Variants in TANGO6 observed in about 807,000 individuals in gnomAD.
TANGO6 encodes the protein transport and Golgi organization protein 6 homolog.
A neutral mutation model predicts 114.2 loss-of-function variants in TANGO6; 90 were observed. The observed-to-expected ratio is 0.79, with a 90% CI of 0.66 to 0.94. TANGO6 has a LOEUF of 0.94. Among genes scored for constraint, TANGO6 ranks in the 40% least tolerant of loss-of-function variants. The pLI is 0.00. For synonymous variants in TANGO6, 477 were observed against 509.8 expected, an observed-to-expected ratio of 0.94 and a Z score of 0.87; for missense variants, 1,274 against 1,315.3, an observed-to-expected ratio of 0.97 and a Z score of 0.49.
chr16:68,890,498 T>A (rs752846223), intron 7 of TANGO6, among the ~76,000 whole-genome samples: 1 of 152,260 alleles, frequency 6.6e-6, no homozygotes, highest in African/African-American at 2.4e-5. Flanking sequence ...CCAAGTTTCC[T>A]GACTACTGAC....
At chr16:69,061,274 T>C (rs1032815053) in intron 17 of TANGO6, among the ~76,000 whole-genome samples, 1 of 151,992 alleles carries the variant, frequency 6.6e-6, no homozygotes, top group African/African-American at 2.4e-5. Flanking sequence ...TTTTCAAAAT[T>C]TGGCTTCTGG....
chr16:69,024,101 C>T (rs1471700327), intron 16 of TANGO6, among the ~76,000 whole-genome samples: 3 of 151,946 alleles, frequency 2.0e-5, no homozygotes, highest in Non-Finnish European at 4.4e-5. Flanking sequence ...AGAGTTTCAC[C>T]ATGTTGGCCA....
At chr16:68,914,916 T>C (rs1349318808) in intron 11 of TANGO6, among the ~76,000 whole-genome samples, 4 of 147,852 alleles carry the variant, frequency 2.7e-5, no homozygotes, top group Non-Finnish European at 6.0e-5. Flanking sequence ...ACATAGAAAG[T>C]GTCTATTTTA....
intron 5 of TANGO6, among the ~76,000 whole-genome samples, chr16:68,877,533 G>A (rs971091922): frequency 4.6e-5 from 7 of 151,156 alleles, no homozygotes; most frequent in Non-Finnish European, 8.8e-5. Flanking sequence ...CTATGCGTAT[G>A]CCTAAAATGA....
intron 7 of TANGO6, among the ~76,000 whole-genome samples, chr16:68,897,472 G>A (rs552250267): frequency 3.9e-5 from 6 of 152,036 alleles, no homozygotes; most frequent in East Asian, 1.9e-4. Context: ...TAATATATAC[G>A]TATAAATAGC....
intron 14 of TANGO6, among the ~76,000 whole-genome samples, chr16:68,942,903 T>A (rs1963369556): frequency 9.1e-6 from 1 of 109,782 alleles, no homozygotes; most frequent in African/African-American, 4.6e-5. Context: ...TAATTTTTAA[T>A]TTTTTTTTTT....
intron 12 of TANGO6, among the ~76,000 whole-genome samples, chr16:68,924,109 C>CT (rs1402253388): frequency 6.6e-6 from 1 of 152,232 alleles, no homozygotes; most frequent in Non-Finnish European, 1.5e-5. Context: ...AAAGCCCTTA[C>CT]TTGCAAACCA....
intron 14 of TANGO6, among the ~76,000 whole-genome samples, chr16:68,947,624 C>A: frequency 6.9e-6 from 1 of 143,934 alleles, no homozygotes. Context: ...CAGAGTCTCC[C>A]TCTGTTGCCC....
At chr16:69,019,757 C>T (rs1234902428) in intron 15 of TANGO6, among the ~76,000 whole-genome samples, 1 of 152,130 alleles carries the variant, frequency 6.6e-6, no homozygotes, top group Non-Finnish European at 1.5e-5. Context: ...AGGCTGGTCT[C>T]AAACTCCTGG....
At chr16:68,856,765 A>G (rs1053354773) in intron 1 of TANGO6, among the ~76,000 whole-genome samples, 1 of 152,184 alleles carries the variant, frequency 6.6e-6, no homozygotes, top group African/African-American at 2.4e-5. Context: ...GCATAATATC[A>G]TATATCCATC....
At chr16:68,911,002 C>T (rs1962915552) in intron 11 of TANGO6, among the ~76,000 whole-genome samples, 1 of 151,892 alleles carries the variant, frequency 6.6e-6, no homozygotes, top group Non-Finnish European at 1.5e-5. Context: ...TTTTGAAACA[C>T]ACACATATAG....
chr16:68,902,479 A>C lies in TANGO6; in HGVS notation c.1642A>C (p.Met548Leu). 1 of 1,612,878 alleles carries C rather than the reference A, an allele frequency of 6.2e-7. No individual in the cohort carries two copies. Among genetic ancestry groups the C allele is most frequent in the Non-Finnish European group, 8.5e-7 (1 of 1,179,402 alleles). ...TAGAGTTGCCACTCAAGGTGGCATT[A>C]TGATTACCATCAAAGAGGCCATTAG... Reference protein sequence around the residue: ...QFRVATQGGIMITIKEAISDE... With the variant: ...QFRVATQGGILITIKEAISDE... Residue 548 changes from methionine (M) to leucine (L), a missense_variant, in exon 9 of 18, where the codon ATG becomes CTG. Physicochemically the swap from Met to Leu is conservative, Grantham distance 15 (BLOSUM62 2). This residue lies in a region of TANGO6 where 908 missense variants were observed against 910.2 expected (regional missense o/e 1.00). Transcript: ENST00000261778.
chr16:68,943,363 ATTTT>A (rs1198050231), intron 14 of TANGO6, among the ~76,000 whole-genome samples: 2 of 131,592 alleles, frequency 1.5e-5, no homozygotes. Context: ...GAATCTGAGA[ATTTT>A]TTTTTTTTTT....
intron 17 of TANGO6, among the ~76,000 whole-genome samples, chr16:69,062,799 A>G (rs1960143239): frequency 6.6e-6 from 1 of 150,930 alleles, no homozygotes; most frequent in Non-Finnish European, 1.5e-5. Context: ...AAAAAAAAAA[A>G]AAAAAAAAAG....
chr16:69,049,500 C>A (rs368792955), intron 17 of TANGO6, among the ~76,000 whole-genome samples: 10 of 150,614 alleles, frequency 6.6e-5, no homozygotes, highest in Non-Finnish European at 1.3e-4. Flanking sequence ...GGCGCCATCT[C>A]GTCTCACTGC....
At chr16:68,853,587 G>A (rs1190759773) in intron 1 of TANGO6, among the ~76,000 whole-genome samples, 1 of 152,164 alleles carries the variant, frequency 6.6e-6, no homozygotes, top group Admixed American at 6.5e-5. Flanking sequence ...GAATAGTGCT[G>A]CTATGAACAT....
intron 14 of TANGO6, among the ~76,000 whole-genome samples, chr16:68,953,047 T>TTTTTTTTTA (rs1555525229): frequency 1.1e-5 from 1 of 87,154 alleles, no homozygotes; most frequent in Non-Finnish European, 2.2e-5. Flanking sequence ...TCAACAGGTA[T>TTTTTTTTTA]TTTTTATTAT....
intron 14 of TANGO6, among the ~76,000 whole-genome samples, chr16:68,950,093 T>C (rs1356085493): frequency 1.3e-5 from 2 of 152,212 alleles, no homozygotes; most frequent in Non-Finnish European, 2.9e-5. Context: ...AACAGACAAA[T>C]GTATAAATTC....
chr16:68,928,405 C>T lies in TANGO6; in HGVS notation c.2643+322C>T, dbSNP rs142773010. On this transcript the variant is annotated intron_variant, in intron 13 of 17. Transcript: ENST00000261778. ...CTGCAAGCTCCGCCTTCTGGGTTCACACCATTCTCCTGCCTCAGCCTCCCG... is the reference window on the plus strand; with the variant it reads ...CTGCAAGCTCCGCCTTCTGGGTTCATACCATTCTCCTGCCTCAGCCTCCCG... 4.1e-4 allele frequency among the ~76,000 whole-genome samples: 59 copies of T among 144,150 alleles called. No homozygotes were observed. The East Asian group carries it at 0.011, about 26-fold the overall frequency. 94.6% of individuals were successfully genotyped at this position (144,150 alleles called of 152,430 possible).
Sources: allele counts gnomAD v4.1 joint callset (sites outside exome capture counted in the v4.1 genomes callset), GRCh38; gene constraint gnomAD v4.1.1; regional missense constraint gnomAD v4.1.1; transcripts MANE v1.5; gene names NCBI Gene and HGNC (gene_info 2026-07-23, HGNC 2026-07-21).